The following BICD1 variants were observed in gnomAD, a reference collection of about 807,000 sequenced individuals.
BICD1 encodes BICD cargo adaptor 1.
In BICD1, 35 loss-of-function variants were observed where a neutral mutation model predicts 92.5. That is an observed-to-expected ratio of 0.38 (90% CI 0.29 to 0.50). The LOEUF is 0.50. BICD1 is among the 20% of genes least tolerant of loss of function. BICD1 has a pLI of 0.93. For missense variants in BICD1, 950 were observed against 1,189.8 expected, an observed-to-expected ratio of 0.80 and a Z score of 2.97; for synonymous variants, 429 against 465.1, an observed-to-expected ratio of 0.92 and a Z score of 1.00.
At chr12:32,305,570 TTTA>T in intron 3 of BICD1, 124 bp from the exon 4 acceptor site, 2 of 785,418 alleles carry the variant, frequency 2.5e-6, no homozygotes, top group Non-Finnish European at 3.9e-6. Flanking sequence ...TTGTGTGCTT[TTTA>T]TTATTTATTT....
At chr12:32,237,442 G>A (rs12312114) in intron 2 of BICD1, among the ~76,000 whole-genome samples, 19,102 of 152,122 alleles carry the variant, frequency 0.13, 1,963 homozygotes, top group African/African-American at 0.28. Flanking sequence ...TAGATGAAAC[G>A]ACTTTGTATT....
chr12:32,375,022 C>T (rs1315685189), intron 9 of BICD1, among the ~76,000 whole-genome samples: 1 of 142,708 alleles, frequency 7.0e-6, no homozygotes, highest in African/African-American at 2.6e-5. Context: ...GGGTTCACGC[C>T]ATTCTCCTAC....
At chr12:32,252,145 T>TATTTATAATAA (rs1946576726) in intron 2 of BICD1, among the ~76,000 whole-genome samples, 2 of 102,414 alleles carry the variant, frequency 2.0e-5, no homozygotes, top group African/African-American at 5.2e-5. Flanking sequence ...TTATATATTA[T>TATTTATAATAA]ATATTACATA....
intron 2 of BICD1, among the ~76,000 whole-genome samples, chr12:32,272,031 A>G (rs1947153832): frequency 6.6e-6 from 1 of 152,070 alleles, no homozygotes; most frequent in Non-Finnish European, 1.5e-5. Context: ...AACATGTACT[A>G]CAAGTTACTT....
rs771451999 is a variant in BICD1 at position 32,328,397 on chromosome 12, C to G, written c.1942C>G (p.Gln648Glu). The change falls in exon 5 of 10, where the codon CAA becomes GAA. Residue 648 changes from glutamine to glutamate, a missense_variant. Physicochemically the swap from Gln to Glu is conservative, Grantham distance 29. Transcript: ENST00000652176. This position sits in a 1 kb window ranked among gnomAD's most constrained non-coding sequence, Gnocchi z 4.4. Reference sequence around the variant, plus strand: ...GCAGAAAGCTGTGGACCGGTCCTTGCAACTGTCTCGTCAAAGAGCAGCGGC... The same window carrying G: ...GCAGAAAGCTGTGGACCGGTCCTTGGAACTGTCTCGTCAAAGAGCAGCGGC... Reference protein sequence around the residue: ...HLQKAVDRSLQLSRQRAAARE... With the variant: ...HLQKAVDRSLELSRQRAAARE... 1 of 1,614,228 alleles carries G rather than the reference C, an allele frequency of 6.2e-7. No individual in the cohort carries two copies. Among genetic ancestry groups the G allele is most frequent in the Non-Finnish European group, 8.5e-7 (1 of 1,180,038 alleles).
intron 1 of BICD1, among the ~76,000 whole-genome samples, chr12:32,126,112 A>T (rs1942327847): frequency 6.6e-6 from 1 of 151,900 alleles, no homozygotes; most frequent in Non-Finnish European, 1.5e-5. Flanking sequence ...GCATTTGCTG[A>T]ATCAGTATTG....
At chr12:32,279,390 C>T (rs573292387) in intron 2 of BICD1, among the ~76,000 whole-genome samples, 3 of 152,128 alleles carry the variant, frequency 2.0e-5, no homozygotes, top group East Asian at 1.9e-4. Context: ...AGTTATAGCT[C>T]GATAAAGTGA....
At chr12:32,252,223 A>T (rs59147786) in intron 2 of BICD1, among the ~76,000 whole-genome samples, 1 of 136,332 alleles carries the variant, frequency 7.3e-6, no homozygotes, top group Non-Finnish European at 1.5e-5. Flanking sequence ...TATCTTGTAT[A>T]TATTATATAT....
At chr12:32,126,063 A>T (rs1174095276) in intron 1 of BICD1, among the ~76,000 whole-genome samples, 2 of 151,406 alleles carry the variant, frequency 1.3e-5, no homozygotes, top group Non-Finnish European at 2.9e-5. Flanking sequence ...AAAAAAAAAA[A>T]AAAAAAGCAG....
At chr12:32,280,769 G>A (rs1372982942) in intron 2 of BICD1, among the ~76,000 whole-genome samples, 3 of 152,116 alleles carry the variant, frequency 2.0e-5, no homozygotes, top group Non-Finnish European at 2.9e-5. Flanking sequence ...GATCATCTTT[G>A]TCTCACCCCT....
rs551228445 is a variant in BICD1, at chr12:32,382,821, G to A, written c.*5194G>A. ...AAGATGAGAGAACTATAAAGTAAGGGGAAATATCATTTTATTTAAAAATAA... is the reference window on the plus strand; with the variant it reads ...AAGATGAGAGAACTATAAAGTAAGGAGAAATATCATTTTATTTAAAAATAA... On this transcript the variant is annotated 3_prime_UTR_variant, in exon 10 of 10. Coordinates refer to ENST00000652176, the MANE Select transcript of BICD1 (RefSeq NM_001714.4). 9 of 151,518 alleles carry A rather than the reference G, an allele frequency of 5.9e-5. No homozygotes were observed. The highest frequency in any genetic ancestry group is 1.3e-4 in the Non-Finnish European group (9 of 67,816). 9.4% of individuals were successfully genotyped at this position (151,518 alleles called of 1,614,324 possible). A position where few individuals can be genotyped will look rare whatever the true frequency, so the allele number is the denominator to read the frequency against.
At chr12:32,142,476 A>ATCTATCTATCTATCTATCTATCTATCGG (rs1451428340) in intron 1 of BICD1, among the ~76,000 whole-genome samples, 1 of 125,786 alleles carries the variant, frequency 8.0e-6, no homozygotes, top group African/African-American at 2.8e-5. Flanking sequence ...CTATCTATCT[A>ATCTATCTATCTATCTATCTATCTATCGG]TCTATCTATC....
At chr12:32,196,963 C>T (rs1228801632) in intron 1 of BICD1, among the ~76,000 whole-genome samples, 1 of 151,998 alleles carries the variant, frequency 6.6e-6, no homozygotes, top group Admixed American at 6.6e-5. Context: ...CACACTTACT[C>T]ATCTTGGGAA....
chr12:32,214,496 A>G (rs1003017682), intron 1 of BICD1, among the ~76,000 whole-genome samples: 1 of 152,186 alleles, frequency 6.6e-6, no homozygotes, highest in Non-Finnish European at 1.5e-5. Context: ...CTTACAATTC[A>G]ATACCACTAG....
At chr12:32,241,472 TGCCCTCTG>T (rs1179065402) in intron 2 of BICD1, among the ~76,000 whole-genome samples, 1 of 152,208 alleles carries the variant, frequency 6.6e-6, no homozygotes, top group Non-Finnish European at 1.5e-5. Flanking sequence ...GTCTGATTAG[TGCCCTCTG>T]GGAAACATGG....
At chr12:32,296,707 C>A (rs1947883702) in intron 3 of BICD1, among the ~76,000 whole-genome samples, 1 of 152,164 alleles carries the variant, frequency 6.6e-6, no homozygotes, top group Non-Finnish European at 1.5e-5. Flanking sequence ...ATGGTGAGAG[C>A]ACGATCAGCA....
intron 1 of BICD1, among the ~76,000 whole-genome samples, chr12:32,142,400 C>G (rs1333505553): frequency 1.5e-5 from 1 of 66,946 alleles, no homozygotes; most frequent in Non-Finnish European, 2.6e-5. Context: ...GAGTGAGACT[C>G]TGTCTAAAAA....
At chr12:32,108,381 G>A (rs1941570368) in intron 1 of BICD1, 2 of 284,772 alleles carry the variant, frequency 7.0e-6, no homozygotes, top group Admixed American at 4.8e-5. Context: ...AAGCCTGTCG[G>A]ATGTATGGGA....
At chr12:32,174,095 G>A (rs1944027228) in intron 1 of BICD1, among the ~76,000 whole-genome samples, 1 of 152,000 alleles carries the variant, frequency 6.6e-6, no homozygotes, top group South Asian at 2.1e-4. Context: ...ATTCATAGGA[G>A]TTCTTTGTCT....
Sources: allele counts gnomAD v4.1 joint callset (sites outside exome capture counted in the v4.1 genomes callset), GRCh38; gene constraint gnomAD v4.1.1; non-coding constraint Gnocchi (gnomAD v3.1); transcripts MANE v1.5; gene names NCBI Gene and HGNC (gene_info 2026-07-23, HGNC 2026-07-21).